GMDS: variants seen among roughly 807,000 people sequenced by gnomAD.
GMDS encodes the protein GDP-mannose 4,6-dehydratase.
A neutral mutation model predicts 49.9 loss-of-function variants in GMDS; 20 were observed. The ratio of observed to expected loss-of-function variants is 0.40; its 90% confidence interval spans 0.28 to 0.58. The LOEUF (loss-of-function observed/expected upper bound fraction) is 0.58. Among genes scored for constraint, GMDS ranks in the 20% least tolerant of loss-of-function variants. The probability of loss-of-function intolerance (pLI) is 0.42; values close to 1 mark genes in which losing one functional copy is unlikely to be tolerated. For synonymous variants in GMDS, 177 were observed against 178.6 expected, an observed-to-expected ratio of 0.99 and a Z score of 0.07; for missense variants, 362 against 481.4, an observed-to-expected ratio of 0.75 and a Z score of 2.32.
intron 1 of GMDS, among the ~76,000 whole-genome samples, chr6:2,131,479 A>G (rs1049874633): frequency 1.3e-5 from 2 of 152,254 alleles, no homozygotes; most frequent in Non-Finnish European, 1.5e-5. Context: ...TCCACCTACA[A>G]TTCTTCAACT....
At chr6:2,092,509 T>A (rs1662683119) in intron 4 of GMDS, among the ~76,000 whole-genome samples, 1 of 152,200 alleles carries the variant, frequency 6.6e-6, no homozygotes, top group South Asian at 2.1e-4. Context: ...GTAATTATAT[T>A]CTTGGTAAAT....
Position 1,727,673 on chromosome 6 carries a change from T to G in GMDS, c.891-1161A>C, listed in dbSNP as rs139768870. Reference sequence around the variant, plus strand: ...TTATATTTTGGAATAGGTTGAGAATTAAAGACATAAACTGACCTCATAAGC... The same window carrying G: ...TTATATTTTGGAATAGGTTGAGAATGAAAGACATAAACTGACCTCATAAGC... On this transcript the variant is annotated intron_variant, in intron 8 of 10. Transcript: ENST00000380815. 2.0e-3 allele frequency among the ~76,000 whole-genome samples: 304 copies of G among 152,300 alleles called. 1 individual carries two copies. Among genetic ancestry groups the G allele is most frequent in the Non-Finnish European group, 2.6e-3 (178 of 68,018 alleles).
intron 4 of GMDS, among the ~76,000 whole-genome samples, chr6:2,010,484 A>C (rs1767494643): frequency 1.3e-5 from 2 of 152,150 alleles, no homozygotes; most frequent in Admixed American, 1.3e-4. Flanking sequence ...CAAAATGTTA[A>C]ACAGAATCTA....
At chr6:1,878,153 A>G (rs1407091790) in intron 7 of GMDS, among the ~76,000 whole-genome samples, 1 of 151,940 alleles carries the variant, frequency 6.6e-6, no homozygotes, top group Non-Finnish European at 1.5e-5. Context: ...CTCTACTAAA[A>G]ATACACAAAA....
At chr6:1,921,988 T>A (rs1244430215) in intron 7 of GMDS, among the ~76,000 whole-genome samples, 8 of 152,208 alleles carry the variant, frequency 5.3e-5, no homozygotes, top group Admixed American at 5.2e-4. Context: ...AGGAGGCCAC[T>A]GACATATTTC....
chr6:2,189,730 T>C (rs1045158662), intron 1 of GMDS, among the ~76,000 whole-genome samples: 2 of 152,198 alleles, frequency 1.3e-5, no homozygotes, highest in Non-Finnish European at 2.9e-5. Context: ...ACTCTCACAT[T>C]TGAAAATAAT....
chr6:1,796,224 C>T (rs1182624183), intron 7 of GMDS, among the ~76,000 whole-genome samples: 4 of 151,936 alleles, frequency 2.6e-5, no homozygotes, highest in Admixed American at 1.3e-4. Flanking sequence ...GTAGGCTTAC[C>T]GAGATCTGGG....
chr6:1,928,564 C>T (rs1241362667), intron 7 of GMDS, among the ~76,000 whole-genome samples: 1 of 152,144 alleles, frequency 6.6e-6, no homozygotes, highest in Admixed American at 6.5e-5. Context: ...TCTACTTTCT[C>T]ATAATTTCTA....
chr6:1,631,042 G>A (rs1237869192), intron 9 of GMDS, among the ~76,000 whole-genome samples: 1 of 152,200 alleles, frequency 6.6e-6, no homozygotes, highest in Non-Finnish European at 1.5e-5. Flanking sequence ...ATTTACCCAT[G>A]CTGGAAGGAG....
chr6:1,695,869 G>T (rs1394008665), intron 9 of GMDS, among the ~76,000 whole-genome samples: 1 of 150,780 alleles, frequency 6.6e-6, no homozygotes, highest in East Asian at 1.9e-4. Context: ...CAAGCTGAAC[G>T]TGGCCAGAAG....
intron 7 of GMDS, among the ~76,000 whole-genome samples, chr6:1,914,868 G>A (rs1244009519): frequency 6.6e-6 from 1 of 152,224 alleles, no homozygotes; most frequent in Non-Finnish European, 1.5e-5. Context: ...TGATGAGTGA[G>A]GTGCTAGGCC....
chr6:2,043,120 C>T (rs1228164028), intron 4 of GMDS, among the ~76,000 whole-genome samples: 1 of 152,138 alleles, frequency 6.6e-6, no homozygotes, highest in Admixed American at 6.5e-5. Context: ...AGGTTCCTGC[C>T]GTCACTCAGC....
chr6:1,754,325 A>G (rs949795446), intron 7 of GMDS, among the ~76,000 whole-genome samples: 57 of 152,216 alleles, frequency 3.7e-4, no homozygotes, highest in Non-Finnish European at 6.5e-4. Context: ...CCCTCCCAAG[A>G]CTAAACCAGG....
At position 2,222,482 on chromosome 6, in the gene GMDS, C is replaced by T. The variant is rs571099273; in HGVS notation, c.102+22839G>A. ...ACAATTATTGGGTACTCATCAGGTG[C>T]TTAAGCACTGGTGAATGTAAACAAT... On this transcript the variant is annotated intron_variant, in intron 1 of 10. Coordinates refer to ENST00000380815, the MANE Select transcript of GMDS (RefSeq NM_001500.4). Among the ~76,000 whole-genome samples, 17 of 152,300 alleles carry T rather than the reference C, an allele frequency of 1.1e-4. No individual in the cohort carries two copies. The East Asian group carries it at 3.1e-3, about 28-fold the overall frequency.
At chr6:1,999,227 C>G (rs572538849) in intron 4 of GMDS, among the ~76,000 whole-genome samples, 1 of 148,946 alleles carries the variant, frequency 6.7e-6, no homozygotes, top group Non-Finnish European at 1.5e-5. Flanking sequence ...GAGGCTGAGG[C>G]AGGAGAATCG....
intron 7 of GMDS, among the ~76,000 whole-genome samples, chr6:1,814,924 A>G (rs1200868975): frequency 3.9e-5 from 6 of 152,238 alleles, no homozygotes; most frequent in Non-Finnish European, 7.3e-5. Flanking sequence ...ATTGACTTGT[A>G]CTAAGGAAAG....
chr6:1,839,713 A>G (rs894249165), intron 7 of GMDS, among the ~76,000 whole-genome samples: 1 of 152,172 alleles, frequency 6.6e-6, no homozygotes, highest in Non-Finnish European at 1.5e-5. Flanking sequence ...GGGCTTCACA[A>G]TGAGCTCTGT....
chr6:1,871,261 T>C (rs1758731626), intron 7 of GMDS, among the ~76,000 whole-genome samples: 1 of 152,204 alleles, frequency 6.6e-6, no homozygotes, highest in African/African-American at 2.4e-5. Context: ...TTTTATTGCC[T>C]GTTGTCTCAG....
At chr6:1,872,692 C>T (rs556816035) in intron 7 of GMDS, among the ~76,000 whole-genome samples, 1 of 152,254 alleles carries the variant, frequency 6.6e-6, no homozygotes, top group African/African-American at 2.4e-5. Context: ...TTAGCTAACT[C>T]GGTCAGAGGG....
Sources: gnomAD v4.1 joint callset for allele counts (sites outside exome capture counted in the v4.1 genomes callset) on GRCh38, gnomAD v4.1.1 for gene constraint, MANE v1.5 for transcripts, NCBI Gene and HGNC (gene_info 2026-07-23, HGNC 2026-07-21) for gene names.